PTPRN2: variants seen among roughly 807,000 people sequenced by gnomAD.
The protein encoded by PTPRN2 is protein tyrosine phosphatase receptor type N2.
A neutral mutation model predicts 118.8 loss-of-function variants in PTPRN2; 74 were observed. That is an observed-to-expected ratio of 0.62 (90% CI 0.52 to 0.76). PTPRN2 has a LOEUF of 0.76. PTPRN2 is among the 30% of genes least tolerant of loss of function. The pLI is 0.00. For missense variants in PTPRN2, 1,481 were observed against 1,394.4 expected (o/e 1.06, Z -0.99); for synonymous variants, 641 against 608.0 (o/e 1.05, Z -0.80).
At chr7:157,659,434 C>G (rs1337153414) in intron 13 of PTPRN2, among the ~76,000 whole-genome samples, 1 of 86,398 alleles carries the variant, frequency 1.2e-5, no homozygotes, top group Non-Finnish European at 2.2e-5. Flanking sequence ...GGTGGATAGC[C>G]GCAGGGACAG....
At chr7:158,554,570 C>G (rs1402355236) in intron 1 of PTPRN2, among the ~76,000 whole-genome samples, 1 of 152,068 alleles carries the variant, frequency 6.6e-6, no homozygotes, top group Non-Finnish European at 1.5e-5. Flanking sequence ...TTTTAAAGTT[C>G]TTGATTGCTC....
At chr7:157,916,375 C>G (rs935071827) in intron 11 of PTPRN2, among the ~76,000 whole-genome samples, 5 of 152,178 alleles carry the variant, frequency 3.3e-5, no homozygotes, top group South Asian at 2.1e-4. Context: ...CTACTCAGTT[C>G]AAAATGGGGG....
At chr7:158,361,700 G>C (rs1171719477) in intron 2 of PTPRN2, among the ~76,000 whole-genome samples, 1 of 152,136 alleles carries the variant, frequency 6.6e-6, no homozygotes, top group African/African-American at 2.4e-5. Flanking sequence ...GACCCTCCTG[G>C]GGGATCCTAG....
intron 3 of PTPRN2, among the ~76,000 whole-genome samples, chr7:158,232,599 C>T (rs1277115294): frequency 1.3e-5 from 2 of 151,634 alleles, no homozygotes; most frequent in African/African-American, 4.9e-5. Context: ...TCTATGAGGT[C>T]AGTGTTACCC....
At chr7:158,140,809 C>T (rs1819308376) in intron 6 of PTPRN2, among the ~76,000 whole-genome samples, 1 of 152,230 alleles carries the variant, frequency 6.6e-6, no homozygotes, top group South Asian at 2.1e-4. Flanking sequence ...GTGTATACTC[C>T]CCCTCAACAG....
chr7:158,085,270 A>G (rs1436647955), intron 10 of PTPRN2, among the ~76,000 whole-genome samples: 6 of 113,518 alleles, frequency 5.3e-5, no homozygotes, highest in Admixed American at 8.9e-5. Context: ...ACACCCATCC[A>G]CACAGATACC....
intron 10 of PTPRN2, among the ~76,000 whole-genome samples, chr7:158,100,271 G>C (rs1412237394): frequency 6.6e-6 from 1 of 151,926 alleles, no homozygotes; most frequent in African/African-American, 2.4e-5. Flanking sequence ...GTGTGTGTGT[G>C]TGTGTGTGCC....
chr7:158,440,541 G>C (rs1816919143), intron 2 of PTPRN2, among the ~76,000 whole-genome samples: 2 of 149,810 alleles, frequency 1.3e-5, no homozygotes, highest in Non-Finnish European at 2.9e-5. Flanking sequence ...TAATGATGGT[G>C]GTGGTGGCAG....
At chr7:157,552,675 A>G (rs1798690701) in intron 21 of PTPRN2, among the ~76,000 whole-genome samples, 1 of 152,258 alleles carries the variant, frequency 6.6e-6, no homozygotes, top group Non-Finnish European at 1.5e-5. Flanking sequence ...ATTGGCTTTT[A>G]AGAAATTTTC....
chr7:157,664,652 G>A (rs1241430949), intron 13 of PTPRN2, among the ~76,000 whole-genome samples: 1 of 151,986 alleles, frequency 6.6e-6, no homozygotes, highest in East Asian at 1.9e-4. Flanking sequence ...CCAGCTACTT[G>A]AGAGGCCGAG....
intron 2 of PTPRN2, among the ~76,000 whole-genome samples, chr7:158,391,254 G>A (rs1446512392): frequency 3.3e-5 from 5 of 152,210 alleles, no homozygotes; most frequent in South Asian, 4.1e-4. Context: ...GCCAATGGCC[G>A]AGGAGAAAGG....
intron 1 of PTPRN2, among the ~76,000 whole-genome samples, chr7:158,577,188 G>A (rs1828378983): frequency 8.5e-6 from 1 of 117,080 alleles, no homozygotes; most frequent in Non-Finnish European, 1.8e-5. Flanking sequence ...CACCCTGCCT[G>A]ATGCCACAGA....
intron 2 of PTPRN2, among the ~76,000 whole-genome samples, chr7:158,473,979 CA>C (rs948148997): frequency 5.4e-5 from 8 of 147,990 alleles, no homozygotes; most frequent in Admixed American, 1.3e-4. Flanking sequence ...ATGGTAAAAG[CA>C]AAAAAAAAAT....
At chr7:158,284,548 G>A (rs1799645551) in intron 3 of PTPRN2, among the ~76,000 whole-genome samples, 1 of 152,160 alleles carries the variant, frequency 6.6e-6, no homozygotes, top group Non-Finnish European at 1.5e-5. Context: ...CAGAGCCACT[G>A]TCGGTGGTTT....
At chr7:157,907,297 T>C (rs1441808698) in intron 11 of PTPRN2, among the ~76,000 whole-genome samples, 1 of 152,016 alleles carries the variant, frequency 6.6e-6, no homozygotes, top group African/African-American at 2.4e-5. Flanking sequence ...TGGTGTGTCC[T>C]GCGTGGCAGT....
At chr7:158,343,542 A>C (rs565335427) in intron 2 of PTPRN2, among the ~76,000 whole-genome samples, 16 of 152,202 alleles carry the variant, frequency 1.1e-4, no homozygotes, top group African/African-American at 3.4e-4. Context: ...CGACAGCCCC[A>C]TTTGATTTTA....
At chr7:158,308,512 A>G (rs1302584992) in intron 3 of PTPRN2, among the ~76,000 whole-genome samples, 1 of 152,180 alleles carries the variant, frequency 6.6e-6, no homozygotes, top group Non-Finnish European at 1.5e-5. Context: ...AAAAACCTGC[A>G]TAAAGCAATA....
At chr7:158,583,768 A>T (rs1828766464) in intron 1 of PTPRN2, among the ~76,000 whole-genome samples, 1 of 152,126 alleles carries the variant, frequency 6.6e-6, no homozygotes, top group South Asian at 2.1e-4. Flanking sequence ...GCTGATGGAG[A>T]CCGAGCAGGA....
At position 157,785,969 on chromosome 7, in the gene PTPRN2, G is replaced by A. The variant is rs1804011489; in HGVS notation, c.1789-103032C>T. ...GGGGATGGCTGCAGGGACCCCCTGG[G>A]CCGGCTCTGGGTGCTGCTGCTCCCA... On this transcript the variant is annotated intron_variant, in intron 12 of 22. Coordinates refer to ENST00000389418, the MANE Select transcript of PTPRN2 (RefSeq NM_002847.5). This position sits in a 1 kb window ranked among gnomAD's most constrained non-coding sequence, Gnocchi z 7.3. 6.6e-6 allele frequency among the ~76,000 whole-genome samples: 1 copy of A among 152,166 alleles called. No homozygotes were observed. Among genetic ancestry groups the A allele is most frequent in the South Asian group, 2.1e-4 (1 of 4,826 alleles).
Sources: gnomAD v4.1 joint callset for allele counts (sites outside exome capture counted in the v4.1 genomes callset) on GRCh38, gnomAD v4.1.1 for gene constraint, Gnocchi (gnomAD v3.1) non-coding constraint, MANE v1.5 for transcripts, NCBI Gene and HGNC (gene_info 2026-07-23, HGNC 2026-07-21) for gene names.